The following PAN3 variants were observed in gnomAD, a reference collection of about 807,000 sequenced individuals.
PAN3 encodes poly(A) specific ribonuclease subunit PAN3.
Under a neutral mutation model 96.2 loss-of-function variants are expected in PAN3, and 19 were observed. The ratio of observed to expected loss-of-function variants is 0.20; its 90% CI spans 0.14 to 0.29. PAN3 has a LOEUF of 0.29. PAN3 is among the 10% of genes least tolerant of loss of function. PAN3 has a pLI of 1.00. For missense variants in PAN3, 882 were observed against 1,108.1 expected, an observed-to-expected ratio of 0.80 and a Z score of 2.90; for synonymous variants, 433 against 406.6, an observed-to-expected ratio of 1.06 and a Z score of -0.78.
chr13:28,260,643 T>G lies in PAN3; in HGVS notation c.1353+92T>G, dbSNP rs557518752. On this transcript the variant is annotated intron_variant, in intron 8 of 18. Transcript: ENST00000380958. ...ACAGAGCTCTTTTCAAATCATATTATTTAATCAAATATGCTCTAGTAAAGC... is the reference window on the plus strand; with the variant it reads ...ACAGAGCTCTTTTCAAATCATATTAGTTAATCAAATATGCTCTAGTAAAGC... 9.6e-5 allele frequency: 99 copies of G among 1,026,436 alleles called. 2 individuals are homozygous for G. In the South Asian group the frequency reaches 1.4e-3, roughly 14 times the overall value. 63.6% of individuals were successfully genotyped at this position (1,026,436 alleles called of 1,614,324 possible). A position where few individuals can be genotyped will look rare whatever the true frequency, so the allele number is the denominator to read the frequency against.
chr13:28,205,009 G>GT (rs1879183138), intron 5 of PAN3, among the ~76,000 whole-genome samples: 1 of 151,652 alleles, frequency 6.6e-6, no homozygotes. Flanking sequence ...TTTGTAAGAG[G>GT]TATTTAATTA....
chr13:28,259,198 G>T (rs551827835), intron 7 of PAN3, among the ~76,000 whole-genome samples: 1 of 151,854 alleles, frequency 6.6e-6, no homozygotes, highest in South Asian at 2.1e-4. Context: ...CACGATCTCG[G>T]CTCACTGCAG....
At chr13:28,254,804 C>T (rs1885008896) in intron 6 of PAN3, among the ~76,000 whole-genome samples, 1 of 151,780 alleles carries the variant, frequency 6.6e-6, no homozygotes. Context: ...ATGCAGTAGA[C>T]ATTGTGTTAT....
intron 6 of PAN3, among the ~76,000 whole-genome samples, chr13:28,223,812 G>T (rs1023428586): frequency 1.3e-5 from 2 of 149,352 alleles, no homozygotes; most frequent in African/African-American, 4.9e-5. Context: ...ACGAAGTTAT[G>T]AATGTGCTTA....
intron 1 of PAN3, among the ~76,000 whole-genome samples, chr13:28,168,501 T>C (rs577134459): frequency 1.3e-3 from 195 of 152,208 alleles, no homozygotes; most frequent in African/African-American, 4.6e-3. Context: ...AGTGGATCAC[T>C]TGAGGCCAGG....
chr13:28,217,113 C>CAA (rs59698303), intron 5 of PAN3, among the ~76,000 whole-genome samples: 1,186 of 115,150 alleles, frequency 0.01, 20 homozygotes, highest in African/African-American at 0.033. Context: ...AACTCTGTCT[C>CAA]AAAAAAAAAA....
rs1481524653 is a variant in PAN3 at position 28,265,889 on chromosome 13, G to A, written c.1412-826G>A. The stretch of plus-strand genomic sequence containing the variant: ...GCTGGGACTACAGGCGCCCGCCACC[G>A]CGCCCGGCTAATTTTTTTTGTATTT... On this transcript the variant is annotated intron_variant, in intron 9 of 18. Coordinates refer to ENST00000380958, the MANE Select transcript of PAN3 (RefSeq NM_175854.8). 8.5e-5 allele frequency among the ~76,000 whole-genome samples: 2 copies of A among 23,418 alleles called. 1 individual carries two copies. The highest frequency in any genetic ancestry group is 1.3e-4 in the Non-Finnish European group (2 of 15,366). The allele number at this position is 23,418 out of a possible 152,430, so 15.4% of individuals were successfully genotyped here.
chr13:28,185,799 A>T (rs1566167961), intron 4 of PAN3, among the ~76,000 whole-genome samples: 2 of 152,150 alleles, frequency 1.3e-5, no homozygotes, highest in Non-Finnish European at 2.9e-5. Flanking sequence ...ACCATGGTGC[A>T]TTTATCTCTT....
intron 6 of PAN3, among the ~76,000 whole-genome samples, chr13:28,248,049 G>T (rs1884372901): frequency 6.6e-6 from 1 of 152,088 alleles, no homozygotes. Context: ...CAATTCATGA[G>T]CATGGGATAT....
chr13:28,291,689 G>T (rs1229500830), intron 18 of PAN3, among the ~76,000 whole-genome samples: 1 of 152,054 alleles, frequency 6.6e-6, no homozygotes, highest in South Asian at 2.1e-4. Context: ...ATATTAGCTG[G>T]GCGTGGTGGC....
intron 6 of PAN3, among the ~76,000 whole-genome samples, chr13:28,227,879 G>GT (rs1882167742): frequency 6.6e-6 from 1 of 152,204 alleles, no homozygotes; most frequent in African/African-American, 2.4e-5. Context: ...TTCAGCAAAT[G>GT]TAAGATTAGA....
chr13:28,212,559 A>G (rs1425286463), intron 5 of PAN3, among the ~76,000 whole-genome samples: 3 of 152,244 alleles, frequency 2.0e-5, no homozygotes, highest in African/African-American at 7.2e-5. Context: ...GAAAACATCA[A>G]CAATAATTAT....
chr13:28,287,548 A>G (rs1869139248), intron 17 of PAN3, among the ~76,000 whole-genome samples: 1 of 152,226 alleles, frequency 6.6e-6, no homozygotes, highest in African/African-American at 2.4e-5. Context: ...TTGTTTTCAC[A>G]TGGAATGGTA....
intron 4 of PAN3, among the ~76,000 whole-genome samples, chr13:28,192,211 A>T (rs796698238): frequency 1.2e-4 from 19 of 152,066 alleles, no homozygotes; most frequent in African/African-American, 4.6e-4. Context: ...CTGGGATTAC[A>T]GGCGCCTGCC....
rs894197974 is a variant in PAN3 at position 28,295,166 on chromosome 13, G to A, written c.*2644G>A. The A allele has an allele frequency of 1.3e-5, 2 of 152,122 alleles. No homozygotes were observed. Among genetic ancestry groups the A allele is most frequent in the African/African-American group, 4.8e-5 (2 of 41,432 alleles). The allele number at this position is 152,122 out of a possible 1,614,324, so 9.4% of individuals were successfully genotyped here. A position where few individuals can be genotyped will look rare whatever the true frequency, so the allele number is the denominator to read the frequency against. ...TGTAAATATTTTTGAGGGTACCTTT[G>A]TATTTTGCTTTTGACCTTGGTTCTG... is the stretch of plus-strand genomic sequence containing the variant. On this transcript the variant is annotated 3_prime_UTR_variant, in exon 19 of 19. Coordinates refer to ENST00000380958, the MANE Select transcript of PAN3 (RefSeq NM_175854.8).
chr13:28,152,452 T>C (rs1593365300), intron 1 of PAN3, among the ~76,000 whole-genome samples: 2 of 151,890 alleles, frequency 1.3e-5, no homozygotes, highest in Admixed American at 6.6e-5. Context: ...GGCGTGATGG[T>C]GGGCGCCTGT....
chr13:28,252,689 TGCA>T (rs1240890364), intron 6 of PAN3, among the ~76,000 whole-genome samples: 1 of 152,176 alleles, frequency 6.6e-6, no homozygotes, highest in Non-Finnish European at 1.5e-5. Context: ...TATCTCAGTT[TGCA>T]TGTTCACTTT....
In PAN3 at chr13:28,153,232, C is replaced by CTTTTTT. The variant is rs10651877; in HGVS notation, c.430+14162_430+14167dup. Among the ~76,000 whole-genome samples, 17 of 101,512 alleles carry CTTTTTT rather than the reference C, an allele frequency of 1.7e-4. 1 individual carries two copies. The highest frequency in any genetic ancestry group is 6.4e-4 in the African/African-American group (15 of 23,514). The allele number at this position is 101,512 out of a possible 152,430, so 66.6% of individuals were successfully genotyped here. On this transcript the variant is annotated intron_variant, in intron 1 of 18. Coordinates refer to ENST00000380958, the MANE Select transcript of PAN3 (RefSeq NM_175854.8). Reference sequence around the variant, plus strand: ...AAGTTACAAAACTATGTATAATACGCTTTTTTTTTTTTTTTTTTTTTTGAG... The same window carrying CTTTTTT: ...AAGTTACAAAACTATGTATAATACGCTTTTTTTTTTTTTTTTTTTTTTTTTTTTGAG...
chr13:28,185,795 G>A (rs1312999343), intron 4 of PAN3, among the ~76,000 whole-genome samples: 2 of 152,072 alleles, frequency 1.3e-5, no homozygotes, highest in Admixed American at 6.5e-5. Flanking sequence ...TAAAACCATG[G>A]TGCATTTATC....
Sources: gnomAD v4.1 joint callset for allele counts (sites outside exome capture counted in the v4.1 genomes callset) on GRCh38, gnomAD v4.1.1 for gene constraint, MANE v1.5 for transcripts, NCBI Gene and HGNC (gene_info 2026-07-23, HGNC 2026-07-21) for gene names.